Variants in SPATA16 observed in about 807,000 individuals in gnomAD.
SPATA16 encodes spermatogenesis associated 16.
A neutral mutation model predicts 63.3 loss-of-function variants in SPATA16; 36 were observed. The ratio of observed to expected loss-of-function variants is 0.57; its 90% CI spans 0.44 to 0.75. The LOEUF (loss-of-function observed/expected upper bound fraction) is 0.75, where lower values mean the gene tolerates loss of function less well. Among genes scored for constraint, SPATA16 ranks in the 30% least tolerant of loss-of-function variants. The probability of loss-of-function intolerance (pLI) is 0.00; values close to 1 mark genes in which losing one functional copy is unlikely to be tolerated. For synonymous variants in SPATA16, 203 were observed against 216.7 expected (o/e 0.94, Z 0.56); for missense variants, 646 against 679.3 (o/e 0.95, Z 0.54).
intron 10 of SPATA16, among the ~76,000 whole-genome samples, chr3:172,911,455 T>C (rs1245029807): frequency 6.6e-6 from 1 of 152,216 alleles, no homozygotes; most frequent in East Asian, 1.9e-4. Flanking sequence ...GACATGGTGG[T>C]TGCTTTCTTT....
intron 6 of SPATA16, among the ~76,000 whole-genome samples, chr3:172,944,843 GTTA>G (rs1328977855): frequency 6.6e-6 from 1 of 152,134 alleles, no homozygotes; most frequent in African/African-American, 2.4e-5. Flanking sequence ...AAAATGGAGA[GTTA>G]TTATTTAATG....
At chr3:173,075,626 G>T (rs1256209344) in intron 2 of SPATA16, among the ~76,000 whole-genome samples, 2 of 152,126 alleles carry the variant, frequency 1.3e-5, no homozygotes. Flanking sequence ...TGCAGTAACA[G>T]GGATGGAACG....
intron 3 of SPATA16, among the ~76,000 whole-genome samples, chr3:173,048,231 C>G (rs527786024): frequency 6.6e-6 from 1 of 151,978 alleles, no homozygotes; most frequent in Non-Finnish European, 1.5e-5. Flanking sequence ...ATAGAGACAT[C>G]ACAATTTCAA....
At chr3:173,094,677 G>GTTTTTTT (rs57224552) in intron 2 of SPATA16, among the ~76,000 whole-genome samples, 2 of 115,712 alleles carry the variant, frequency 1.7e-5, no homozygotes, top group Admixed American at 9.1e-5. Context: ...TATGGGAGTT[G>GTTTTTTT]TTTTTTTTTT....
intron 7 of SPATA16, 119 bp from the exon 8 acceptor site, chr3:172,924,436 A>G: frequency 2.6e-6 from 2 of 770,252 alleles, no homozygotes; most frequent in Non-Finnish European, 4.3e-6. Context: ...TCTTTAGTAT[A>G]GAAACTAGTC....
At chr3:172,911,129 G>T (rs1732363089) in intron 10 of SPATA16, among the ~76,000 whole-genome samples, 1 of 152,184 alleles carries the variant, frequency 6.6e-6, no homozygotes, top group African/African-American at 2.4e-5. Flanking sequence ...TAGGGTTCCT[G>T]GGAGTATCTC....
At chr3:172,914,683 T>C (rs1732440269) in intron 9 of SPATA16, among the ~76,000 whole-genome samples, 1 of 152,136 alleles carries the variant, frequency 6.6e-6, no homozygotes. Flanking sequence ...ATAAGATATA[T>C]AATGTTTAAA....
At chr3:173,036,999 C>T (rs1735727873) in intron 3 of SPATA16, among the ~76,000 whole-genome samples, 1 of 151,722 alleles carries the variant, frequency 6.6e-6, no homozygotes, top group Non-Finnish European at 1.5e-5. Context: ...AAGCAAAAAC[C>T]CTTTGGGATC....
intron 3 of SPATA16, among the ~76,000 whole-genome samples, chr3:173,026,311 G>T (rs1340588940): frequency 6.6e-6 from 1 of 151,620 alleles, no homozygotes; most frequent in African/African-American, 2.4e-5. Context: ...GTGTTGTAAG[G>T]GTTCTTTATG....
intron 6 of SPATA16, among the ~76,000 whole-genome samples, chr3:172,939,627 A>C (rs1733097876): frequency 6.6e-6 from 1 of 152,238 alleles, no homozygotes; most frequent in Non-Finnish European, 1.5e-5. Flanking sequence ...TTACACTGAA[A>C]GAATATAGAA....
chr3:173,039,115 C>A (rs999536987), intron 3 of SPATA16, among the ~76,000 whole-genome samples: 15 of 151,536 alleles, frequency 9.9e-5, no homozygotes, highest in African/African-American at 3.4e-4. Context: ...TTTTTAAACC[C>A]CAGGACACAC....
At chr3:173,069,276 A>G (rs1450781574) in intron 2 of SPATA16, among the ~76,000 whole-genome samples, 2 of 152,098 alleles carry the variant, frequency 1.3e-5, no homozygotes, top group African/African-American at 4.8e-5. Flanking sequence ...GAGCCAAATA[A>G]ATAAAATTGG....
chr3:172,956,961 A>G (rs1307458029), intron 5 of SPATA16, 137 bp from the exon 6 acceptor site: 6 of 1,058,160 alleles, frequency 5.7e-6, no homozygotes, highest in Non-Finnish European at 8.2e-6. Flanking sequence ...TTGGTCTTGA[A>G]TATTCATTAG....
chr3:173,081,642 C>T (rs1736924573), intron 2 of SPATA16, among the ~76,000 whole-genome samples: 1 of 152,074 alleles, frequency 6.6e-6, no homozygotes, highest in South Asian at 2.1e-4. Flanking sequence ...AAGACCAGAA[C>T]AAGGTAAAGA....
At chr3:172,948,400 A>T (rs979633822) in intron 6 of SPATA16, among the ~76,000 whole-genome samples, 1 of 152,216 alleles carries the variant, frequency 6.6e-6, no homozygotes, top group East Asian at 1.9e-4. Flanking sequence ...TTCAAGCACG[A>T]AGGAGAAATT....
chr3:173,057,213 G>T (rs557598110), intron 2 of SPATA16, among the ~76,000 whole-genome samples: 112 of 151,134 alleles, frequency 7.4e-4, no homozygotes, highest in Non-Finnish European at 1.3e-3. Context: ...CCGGATTCAC[G>T]CCATTCTCCT....
At chr3:172,892,612 A>G (rs916554237) in intron 10 of SPATA16, among the ~76,000 whole-genome samples, 10 of 152,172 alleles carry the variant, frequency 6.6e-5, no homozygotes, top group Non-Finnish European at 1.5e-4. Flanking sequence ...CTGGTTCTTT[A>G]TTTTCTTTTT....
Position 172,961,079 on chromosome 3 carries a change from TTCCTTC to T in SPATA16, c.934-4261_934-4256del, listed in dbSNP as rs1560080399. Among the ~76,000 whole-genome samples, 56 of 137,492 alleles carry T rather than the reference TTCCTTC, an allele frequency of 4.1e-4. 1 individual carries two copies. Among genetic ancestry groups the T allele is most frequent in the African/African-American group, 1.4e-3 (47 of 34,586 alleles). 90.2% of individuals were successfully genotyped at this position (137,492 alleles called of 152,430 possible). ...TCTTTCTTTCTTCTTTCTTCCTTCC[TTCCTTC>T]CTTCCTTCCTTCCTTCCTTCCTTCC... is the stretch of plus-strand genomic sequence containing the variant. On this transcript the variant is annotated intron_variant, in intron 5 of 10. Coordinates refer to ENST00000351008, the MANE Select transcript of SPATA16 (RefSeq NM_031955.6).
At chr3:172,943,916 G>A (rs530582303) in intron 6 of SPATA16, among the ~76,000 whole-genome samples, 5 of 152,060 alleles carry the variant, frequency 3.3e-5, no homozygotes, top group Non-Finnish European at 5.9e-5. Context: ...CATGCAAATT[G>A]TAAGAATATA....
Sources: gnomAD v4.1 joint callset for allele counts (sites outside exome capture counted in the v4.1 genomes callset) on GRCh38, gnomAD v4.1.1 for gene constraint, MANE v1.5 for transcripts, NCBI Gene and HGNC (gene_info 2026-07-23, HGNC 2026-07-21) for gene names.